PRKCD: variants seen among roughly 807,000 people sequenced by gnomAD.
PRKCD encodes protein kinase C delta, also known as protein kinase C delta type.
In PRKCD, 20 loss-of-function variants were observed where a neutral mutation model predicts 82.2. The ratio of observed to expected loss-of-function variants is 0.24; its 90% CI spans 0.17 to 0.35. PRKCD has a LOEUF of 0.35. PRKCD is among the 10% of genes least tolerant of loss of function. PRKCD has a pLI of 1.00. For missense variants in PRKCD, 607 were observed against 899.0 expected (o/e 0.68, Z 4.15); for synonymous variants, 317 against 337.0 (o/e 0.94, Z 0.65).
intron 2 of PRKCD, among the ~76,000 whole-genome samples, chr3:53,175,884 T>C (rs985650344): frequency 5.3e-5 from 8 of 152,184 alleles, no homozygotes; most frequent in African/African-American, 1.9e-4. Context: ...AGGGGCAAGA[T>C]GTCCATCTTG....
At chr3:53,177,495 G>T (rs181637879) in intron 2 of PRKCD, among the ~76,000 whole-genome samples, 169 of 152,310 alleles carry the variant, frequency 1.1e-3, no homozygotes, top group Admixed American at 4.5e-3. Context: ...TAGGGTTTCA[G>T]TTTCCCCATC....
At chr3:53,179,201 C>A (rs1044305501) in intron 3 of PRKCD, among the ~76,000 whole-genome samples, 2 of 152,226 alleles carry the variant, frequency 1.3e-5, no homozygotes, top group South Asian at 4.1e-4. Context: ...GCATTCGCCA[C>A]CCGGGCCTGG....
rs564559041 is a variant in PRKCD at position 53,169,178 on chromosome 3, G to A, written c.-20+3963G>A. Among the ~76,000 whole-genome samples, 37 of 152,272 alleles carry A rather than the reference G, an allele frequency of 2.4e-4. No homozygotes were observed. The highest frequency in any genetic ancestry group is 8.4e-4 in the African/African-American group (35 of 41,544). ...AGCTCGTGCACTCCTAGTGGATGAG[G>A]AGCGCTGGGAGGGGAACGGCGGGGG... On this transcript the variant is annotated intron_variant, in intron 2 of 18. Coordinates refer to ENST00000330452, the MANE Select transcript of PRKCD (RefSeq NM_006254.4). This position sits in a 1 kb window ranked among gnomAD's most constrained non-coding sequence, Gnocchi z 4.7.
chr3:53,183,258 G>T, intron 8 of PRKCD, 52 bp downstream of exon 8: 1 of 1,596,032 alleles, frequency 6.3e-7, no homozygotes, highest in East Asian at 2.3e-5. Flanking sequence ...TGGCCAGATG[G>T]GAGGGATTTG....
intron 2 of PRKCD, among the ~76,000 whole-genome samples, chr3:53,170,864 A>T (rs1377867721): frequency 6.6e-6 from 1 of 151,672 alleles, no homozygotes; most frequent in Non-Finnish European, 1.5e-5. Flanking sequence ...TGTGGAGCCT[A>T]TGTGGTCGGG....
rs79252610 is a variant in PRKCD, at chr3:53,181,456, C to T, written c.389C>T (p.Ser130Phe). The part of the protein sequence containing the change: ...YFLEDVDCKQ[S>F]MRSEDEAKFP... ...CCATGGTCACCAGATTGCAAACAGTCTATGCGCAGTGAGGACGAGGCCAAG... is the reference window on the plus strand; with the variant it reads ...CCATGGTCACCAGATTGCAAACAGTTTATGCGCAGTGAGGACGAGGCCAAG... The change falls in exon 6 of 19, where the codon TCT becomes TTT. Residue 130 changes from serine to phenylalanine, a missense_variant. Transcript: ENST00000330452. 1.5e-5 allele frequency: 25 copies of T among 1,614,082 alleles called. 1 individual carries two copies. In the East Asian group the frequency reaches 5.3e-4, roughly 35 times the overall value.
rs782273678 is a variant in PRKCD, at chr3:53,188,843, C to T, written c.1539C>T (p.Asp513=). ...CCAGCACCTTCTGCGGCACCCCTGACTATATCGCCCCTGAGGTGAGCCGAT... is the reference window on the plus strand; with the variant it reads ...CCAGCACCTTCTGCGGCACCCCTGATTATATCGCCCCTGAGGTGAGCCGAT... The part of the protein sequence containing the change: ...SRASTFCGTP[D]YIAPEILQGL... The change falls in exon 16 of 19, where the codon GAC becomes GAT. Residue 513 remains aspartate (D), a synonymous_variant. Coordinates refer to ENST00000330452, the MANE Select transcript of PRKCD (RefSeq NM_006254.4). 6.2e-7 allele frequency: 1 copy of T among 1,614,156 alleles called. No homozygotes were observed. Among genetic ancestry groups the T allele is most frequent in the South Asian group, 1.1e-5 (1 of 91,088 alleles).
At chr3:53,181,996 G>A (rs896158560) in intron 7 of PRKCD, 2 of 643,572 alleles carry the variant, frequency 3.1e-6, no homozygotes, top group East Asian at 3.1e-5. Context: ...GAGTATTCAC[G>A]CAGAAACCAG....
intron 2 of PRKCD, among the ~76,000 whole-genome samples, chr3:53,170,963 G>A (rs561616639): frequency 5.9e-5 from 9 of 151,868 alleles, no homozygotes; most frequent in Non-Finnish European, 1.0e-4. Flanking sequence ...GTGTGTGTAC[G>A]TGTGCCCCTG....
Position 53,185,711 on chromosome 3 carries a change from G to A in PRKCD, c.985+11G>A. 1.9e-6 allele frequency: 3 copies of A among 1,611,554 alleles called. No individual in the cohort carries two copies. Among genetic ancestry groups the A allele is most frequent in the Non-Finnish European group, 2.5e-6 (3 of 1,179,220 alleles). On this transcript the variant is annotated intron_variant, in intron 11 of 18. Coordinates refer to ENST00000330452, the MANE Select transcript of PRKCD (RefSeq NM_006254.4). Reference sequence around the variant, plus strand: ...GGGAGGACATGCAAGGTGAAGCTGGGTCCATTGCCCCATTACGGTTTTTAT... The same window carrying A: ...GGGAGGACATGCAAGGTGAAGCTGGATCCATTGCCCCATTACGGTTTTTAT...
At chr3:53,174,001 G>C (rs1213419127) in intron 2 of PRKCD, among the ~76,000 whole-genome samples, 1 of 152,138 alleles carries the variant, frequency 6.6e-6, no homozygotes, top group Non-Finnish European at 1.5e-5. Context: ...TACTGGAAAG[G>C]ACCTGGGCTG....
At chr3:53,178,641 G>A (rs924388200) in intron 3 of PRKCD, 104 bp downstream of exon 3, 6 of 947,242 alleles carry the variant, frequency 6.3e-6, no homozygotes, top group Non-Finnish European at 9.3e-6. Flanking sequence ...GAAGGATTCT[G>A]CTCTTCCTCA....
chr3:53,166,067 C>A (rs761834380), intron 2 of PRKCD, among the ~76,000 whole-genome samples: 4 of 152,210 alleles, frequency 2.6e-5, no homozygotes, highest in Non-Finnish European at 5.9e-5. Context: ...TCCAGGAGTG[C>A]TCCCTGAGCA....
chr3:53,184,799 C>A, intron 9 of PRKCD, 75 bp from the exon 10 acceptor site: 1 of 1,282,404 alleles, frequency 7.8e-7, no homozygotes, highest in Non-Finnish European at 1.1e-6. Flanking sequence ...TCTTGCTCTC[C>A]TGCGCCTCTC....
At chr3:53,184,442 G>A (rs1703593718) in intron 9 of PRKCD, among the ~76,000 whole-genome samples, 4 of 152,082 alleles carry the variant, frequency 2.6e-5, no homozygotes, top group Admixed American at 1.3e-4. Context: ...TTGGGAGGCC[G>A]AGGCAGGTGG....
In PRKCD at chr3:53,166,845, C is replaced by A. The variant is rs914527092; in HGVS notation, c.-20+1630C>A. ...GCCCACCTGGCCCCAGGCTCCAGGC[C>A]GACCAGGGATTGGCATGGGAGATGG... On this transcript the variant is annotated intron_variant, in intron 2 of 18. Coordinates refer to ENST00000330452, the MANE Select transcript of PRKCD (RefSeq NM_006254.4). Among the ~76,000 whole-genome samples the A allele has an allele frequency of 2.6e-5, 4 of 152,230 alleles. No homozygotes were observed. In the East Asian group the frequency reaches 5.8e-4, roughly 22 times the overall value.
At chr3:53,171,982 A>G (rs1703045197) in intron 2 of PRKCD, among the ~76,000 whole-genome samples, 1 of 151,910 alleles carries the variant, frequency 6.6e-6, no homozygotes, top group Non-Finnish European at 1.5e-5. Context: ...GAGAGGCCAC[A>G]GGTACTGGTT....
intron 7 of PRKCD, among the ~76,000 whole-genome samples, chr3:53,182,166 GCTGGAGT>G (rs1450932948): frequency 6.6e-6 from 1 of 152,168 alleles, no homozygotes; most frequent in Non-Finnish European, 1.5e-5. Flanking sequence ...GGCGCCGCAG[GCTGGAGT>G]CAGACTGCCT....
At chr3:53,184,330 G>T (rs1226792173) in intron 9 of PRKCD, among the ~76,000 whole-genome samples, 1 of 92,306 alleles carries the variant, frequency 1.1e-5, no homozygotes, top group Non-Finnish European at 2.4e-5. Context: ...GTGAGACTCC[G>T]TCTCAACAAC....
Sources: allele counts gnomAD v4.1 joint callset (sites outside exome capture counted in the v4.1 genomes callset), GRCh38; gene constraint gnomAD v4.1.1; non-coding constraint Gnocchi (gnomAD v3.1); transcripts MANE v1.5; gene names NCBI Gene and HGNC (gene_info 2026-07-23, HGNC 2026-07-21).